The following ERBB4 variants were observed in gnomAD, a reference collection of about 807,000 sequenced individuals.
ERBB4 encodes the protein erb-b2 receptor tyrosine kinase 4, also known as receptor tyrosine-protein kinase erbB-4.
ERBB4 carries 42 observed loss-of-function variants against 158.0 expected under a neutral mutation model. That is an observed-to-expected ratio of 0.27 (90% CI 0.21 to 0.34). ERBB4 has a LOEUF of 0.34. Among genes scored for constraint, ERBB4 ranks in the 10% least tolerant of loss-of-function variants. ERBB4 has a pLI of 1.00. For synonymous variants in ERBB4, 583 were observed against 558.7 expected (o/e 1.04, Z -0.61); for missense variants, 1,333 against 1,624.1 (o/e 0.82, Z 3.08).
chr2:211,690,385 G>A (rs539797774), intron 12 of ERBB4, among the ~76,000 whole-genome samples: 5 of 152,118 alleles, frequency 3.3e-5, no homozygotes, highest in South Asian at 4.2e-4. Flanking sequence ...TTGATCTTTC[G>A]TTACATGCTT....
At chr2:212,352,666 G>A (rs1364342408) in intron 1 of ERBB4, among the ~76,000 whole-genome samples, 6 of 152,100 alleles carry the variant, frequency 3.9e-5, no homozygotes, top group African/African-American at 1.2e-4. Context: ...TCAGGAGCTC[G>A]ACACCAACCT....
rs369335418 is a variant in ERBB4, at chr2:212,451,574, A to C, written c.82+86875T>G. On this transcript the variant is annotated intron_variant, in intron 1 of 27. Transcript: ENST00000342788. Reference sequence around the variant, plus strand: ...GTAGCTCTATTTTCATTAGTTATTAAATTTTAACTTAGTATTAAAATTGAC... The same window carrying C: ...GTAGCTCTATTTTCATTAGTTATTACATTTTAACTTAGTATTAAAATTGAC... Among the ~76,000 whole-genome samples the C allele has an allele frequency of 3.9e-5, 6 of 152,334 alleles. No individual in the cohort carries two copies. The East Asian group carries it at 1.2e-3, about 29-fold the overall frequency.
intron 2 of ERBB4, among the ~76,000 whole-genome samples, chr2:211,959,571 C>A (rs1339830336): frequency 6.6e-6 from 1 of 152,082 alleles, no homozygotes; most frequent in Non-Finnish European, 1.5e-5. Flanking sequence ...GTCTTCAGGA[C>A]TTTCAAGTAA....
At chr2:211,731,171 C>T (rs1026627896) in intron 5 of ERBB4, among the ~76,000 whole-genome samples, 1 of 152,128 alleles carries the variant, frequency 6.6e-6, no homozygotes, top group African/African-American at 2.4e-5. Context: ...TTCTCTCACC[C>T]AGCAGCTGTC....
At chr2:212,526,686 C>T (rs1004723248) in intron 1 of ERBB4, among the ~76,000 whole-genome samples, 9 of 151,958 alleles carry the variant, frequency 5.9e-5, no homozygotes, top group African/African-American at 2.2e-4. Context: ...CAAAGATCTA[C>T]ACTCTCTATT....
chr2:211,581,275 C>A (rs1268013851), intron 19 of ERBB4, among the ~76,000 whole-genome samples: 1 of 151,422 alleles, frequency 6.6e-6, no homozygotes, highest in African/African-American at 2.4e-5. Flanking sequence ...GGAAATAAAA[C>A]AATTAATATA....
intron 1 of ERBB4, among the ~76,000 whole-genome samples, chr2:212,505,146 G>A (rs1454673117): frequency 6.6e-6 from 1 of 152,122 alleles, no homozygotes; most frequent in Non-Finnish European, 1.5e-5. Flanking sequence ...GCCCAGGCTG[G>A]AGTGCAGTGG....
intron 1 of ERBB4, among the ~76,000 whole-genome samples, chr2:212,161,594 C>T (rs1218560335): frequency 6.6e-6 from 1 of 151,856 alleles, no homozygotes; most frequent in Admixed American, 6.6e-5. Context: ...ATCTACAGTT[C>T]TTAAAGGATC....
rs1376414004 is a variant in ERBB4, at chr2:211,376,293, C to G, written c.*7322G>C. On this transcript the variant is annotated 3_prime_UTR_variant, in exon 28 of 28. Coordinates refer to ENST00000342788, the MANE Select transcript of ERBB4 (RefSeq NM_005235.3). ...ACAGGCCAATTACTTATATACAAAT[C>G]AACCCTAAAGACAATTATGTTCCAA... The G allele has an allele frequency of 8.6e-6, 2 of 233,004 alleles. No homozygotes were observed. The highest frequency in any genetic ancestry group is 4.4e-5 in the African/African-American group (2 of 45,392). The allele number at this position is 233,004 out of a possible 1,614,324, so 14.4% of individuals were successfully genotyped here.
At chr2:211,453,826 T>C (rs2125484559) in intron 20 of ERBB4, among the ~76,000 whole-genome samples, 1 of 152,330 alleles carries the variant, frequency 6.6e-6, no homozygotes, top group Admixed American at 6.5e-5. Context: ...TGTTTTAACA[T>C]ACTTATACCT....
At chr2:212,517,661 C>G (rs1167180907) in intron 1 of ERBB4, among the ~76,000 whole-genome samples, 1 of 152,014 alleles carries the variant, frequency 6.6e-6, no homozygotes, top group Non-Finnish European at 1.5e-5. Context: ...AAATAGAGTT[C>G]AGTTATTTCT....
At chr2:212,267,303 A>G (rs992109167) in intron 1 of ERBB4, among the ~76,000 whole-genome samples, 1 of 151,962 alleles carries the variant, frequency 6.6e-6, no homozygotes, top group Non-Finnish European at 1.5e-5. Context: ...ACCATTTACC[A>G]TTTTTCAAGT....
chr2:211,785,867 G>C (rs149720477), intron 4 of ERBB4, among the ~76,000 whole-genome samples: 98 of 152,076 alleles, frequency 6.4e-4, no homozygotes, highest in African/African-American at 2.2e-3. Context: ...TTCATTTTAT[G>C]TATTTATTGA....
At chr2:212,050,522 C>T (rs2077371736) in intron 2 of ERBB4, among the ~76,000 whole-genome samples, 1 of 152,034 alleles carries the variant, frequency 6.6e-6, no homozygotes, top group African/African-American at 2.4e-5. Flanking sequence ...CTTAAGTGAT[C>T]TTCTTTGGTA....
chr2:211,676,828 T>C (rs948843554), intron 13 of ERBB4, among the ~76,000 whole-genome samples: 1 of 152,166 alleles, frequency 6.6e-6, no homozygotes, highest in Non-Finnish European at 1.5e-5. Context: ...GTCTATTGTG[T>C]TTTGTTTCAT....
At chr2:211,747,491 A>C (rs896799933) in intron 5 of ERBB4, among the ~76,000 whole-genome samples, 1 of 152,180 alleles carries the variant, frequency 6.6e-6, no homozygotes, top group Non-Finnish European at 1.5e-5. Context: ...CTGACCATCT[A>C]GAAGGGGGTA....
At position 212,072,385 on chromosome 2, in the gene ERBB4, C is replaced by T. The variant is rs533470644; in HGVS notation, c.234+52367G>A. Among the ~76,000 whole-genome samples, 20 of 151,994 alleles carry T rather than the reference C, an allele frequency of 1.3e-4. No individual in the cohort carries two copies. In the South Asian group the frequency reaches 2.5e-3, roughly 19 times the overall value. ...GTAGCGTAGAATGATGATAGTTTTC[C>T]GTATTCGAATGTCTAAATTCACAAA... On this transcript the variant is annotated intron_variant, in intron 2 of 27. Transcript: ENST00000342788.
chr2:212,253,870 C>T (rs1041121254), intron 1 of ERBB4, among the ~76,000 whole-genome samples: 2 of 152,144 alleles, frequency 1.3e-5, no homozygotes, highest in Non-Finnish European at 2.9e-5. Flanking sequence ...GCCTACTACA[C>T]ACATAGGCTA....
intron 1 of ERBB4, among the ~76,000 whole-genome samples, chr2:212,200,549 C>A (rs1304228863): frequency 6.6e-6 from 1 of 151,902 alleles, no homozygotes; most frequent in Non-Finnish European, 1.5e-5. Context: ...AGGATTAAAC[C>A]AGGTAATAAT....
Sources: gnomAD v4.1 joint callset for allele counts (sites outside exome capture counted in the v4.1 genomes callset) on GRCh38, gnomAD v4.1.1 for gene constraint, MANE v1.5 for transcripts, NCBI Gene and HGNC (gene_info 2026-07-23, HGNC 2026-07-21) for gene names.